Variants in ZFAND4 observed in about 807,000 individuals in gnomAD.
The protein encoded by ZFAND4 is zinc finger AN1-type containing 4, also known as AN1-type zinc finger protein 4.
Under a neutral mutation model 64.4 loss-of-function variants are expected in ZFAND4, and 43 were observed. The ratio of observed to expected loss-of-function variants is 0.67; its 90% CI spans 0.52 to 0.86. ZFAND4 has a LOEUF of 0.86. Ranked by LOEUF, ZFAND4 falls within the 40% of genes least tolerant of loss-of-function variation. The probability of loss-of-function intolerance (pLI) is 0.00; values close to 1 mark genes in which losing one functional copy is unlikely to be tolerated. For missense variants in ZFAND4, 929 were observed against 859.8 expected (o/e 1.08, Z -1.01); for synonymous variants, 296 against 305.7 (o/e 0.97, Z 0.33).
intron 6 of ZFAND4, among the ~76,000 whole-genome samples, chr10:45,636,264 C>T (rs1379954610): frequency 6.6e-6 from 1 of 152,108 alleles, no homozygotes; most frequent in Admixed American, 6.6e-5. Context: ...AAGCTTTCCA[C>T]ATATCTATTA....
At chr10:45,619,429 A>G (rs2045252542) in intron 8 of ZFAND4, among the ~76,000 whole-genome samples, 1 of 152,182 alleles carries the variant, frequency 6.6e-6, no homozygotes, top group South Asian at 2.1e-4. Context: ...AGAGAGGCTC[A>G]AAGTTCCTGC....
intron 8 of ZFAND4, among the ~76,000 whole-genome samples, chr10:45,622,055 A>T (rs570140683): frequency 3.3e-5 from 5 of 152,196 alleles, no homozygotes; most frequent in Non-Finnish European, 7.3e-5. Flanking sequence ...GTTGTGCGTT[A>T]GGGCAGGACA....
chr10:45,662,522 G>T, intron 2 of ZFAND4: 1 of 866,926 alleles, frequency 1.2e-6, no homozygotes, highest in Non-Finnish European at 1.4e-6. Flanking sequence ...TTTAAACTAT[G>T]ATATAAATTG....
intron 5 of ZFAND4, among the ~76,000 whole-genome samples, chr10:45,647,761 A>C (rs1162636601): frequency 6.6e-6 from 1 of 152,194 alleles, no homozygotes; most frequent in Non-Finnish European, 1.5e-5. Context: ...TGAATGCTTA[A>C]TAACTTGAAG....
At chr10:45,637,004 GAAAA>G (rs58965939) in intron 6 of ZFAND4, among the ~76,000 whole-genome samples, 2 of 120,372 alleles carry the variant, frequency 1.7e-5, no homozygotes, top group Admixed American at 8.2e-5. Context: ...TTCCCCATCA[GAAAA>G]AAAAAAAAAA....
rs1486980850 is a variant in ZFAND4 at position 45,635,225 on chromosome 10, C to CA, written c.717+4590dup. Among the ~76,000 whole-genome samples the CA allele has an allele frequency of 4.3e-3, 305 of 70,642 alleles. 7 individuals are homozygous for CA. The highest frequency in any genetic ancestry group is 8.3e-3 in the South Asian group (17 of 2,046). The allele number at this position is 70,642 out of a possible 152,430, so 46.3% of individuals were successfully genotyped here. A position where few individuals can be genotyped will look rare whatever the true frequency, so the allele number is the denominator to read the frequency against. On this transcript the variant is annotated intron_variant, in intron 6 of 9. Coordinates refer to ENST00000344646, the MANE Select transcript of ZFAND4 (RefSeq NM_174890.4). Reference sequence around the variant, plus strand: ...AAAAAAAAAAAAAACAAAAAAAAAACAAACAAAAAAAAACTGGAAGAATCA... The same window carrying CA: ...AAAAAAAAAAAAAACAAAAAAAAAACAAAACAAAAAAAAACTGGAAGAATCA...
chr10:45,657,014 CTTTTTTTT>C (rs199943085), intron 2 of ZFAND4, among the ~76,000 whole-genome samples: 5 of 137,246 alleles, frequency 3.6e-5, no homozygotes, highest in Non-Finnish European at 7.9e-5. Flanking sequence ...GCAACCTGAA[CTTTTTTTT>C]TTTTTTTTTT....
At chr10:45,625,257 G>A (rs2045718096) in intron 7 of ZFAND4, among the ~76,000 whole-genome samples, 1 of 150,804 alleles carries the variant, frequency 6.6e-6, no homozygotes, top group African/African-American at 2.4e-5. Flanking sequence ...TGGATCACGA[G>A]GTCAGGAGAT....
intron 6 of ZFAND4, among the ~76,000 whole-genome samples, chr10:45,633,254 A>G (rs564523134): frequency 6.6e-6 from 1 of 152,232 alleles, no homozygotes; most frequent in South Asian, 2.1e-4. Flanking sequence ...TATCTTATAA[A>G]TATCTAGCAA....
rs1417686373 is a variant in ZFAND4, at chr10:45,626,815, T to C, written c.1008A>G (p.Lys336=). The part of the protein sequence containing the change: ...NTLSHFSSNV[K]LPPQIPHLEL... ...CCAAATGGGGTATCTGAGGAGGTAG[T>C]TTGACGTTGCTACTGAAGTGAGACA... Residue 336 remains lysine (K), a synonymous_variant, in exon 7 of 10, where the codon AAA becomes AAG. Coordinates refer to ENST00000344646, the MANE Select transcript of ZFAND4 (RefSeq NM_174890.4). 3.1e-6 allele frequency: 5 copies of C among 1,614,076 alleles called. No homozygotes were observed. In the African/African-American group the frequency reaches 6.7e-5, roughly 22 times the overall value.
At chr10:45,634,114 G>A (rs1190398593) in intron 6 of ZFAND4, among the ~76,000 whole-genome samples, 1 of 152,194 alleles carries the variant, frequency 6.6e-6, no homozygotes, top group Non-Finnish European at 1.5e-5. Flanking sequence ...AAAGTACTTA[G>A]GGGAAGTGTC....
intron 1 of ZFAND4, among the ~76,000 whole-genome samples, chr10:45,671,684 G>T (rs1421746367): frequency 6.6e-6 from 1 of 152,124 alleles, no homozygotes; most frequent in Non-Finnish European, 1.5e-5. Context: ...GCCTGTCGTG[G>T]GGAGTGAGAT....
At chr10:45,619,078 G>A (rs1215884912) in intron 8 of ZFAND4, among the ~76,000 whole-genome samples, 1 of 150,120 alleles carries the variant, frequency 6.7e-6, no homozygotes, top group East Asian at 1.9e-4. Context: ...TTGCTCTGTC[G>A]CCCAGGCTGT....
intron 5 of ZFAND4, among the ~76,000 whole-genome samples, chr10:45,644,357 T>C: frequency 6.6e-6 from 1 of 152,222 alleles, no homozygotes. Flanking sequence ...ACAGCATAAA[T>C]AGACATTACC....
chr10:45,640,104 T>A, intron 5 of ZFAND4, 141 bp from the exon 6 acceptor site: 1 of 1,295,052 alleles, frequency 7.7e-7, no homozygotes, highest in Non-Finnish European at 1.0e-6. Context: ...GTCAGGAAAA[T>A]ATATTTCAAA....
chr10:45,622,459 G>A lies in ZFAND4; in HGVS notation c.1927+2124C>T, dbSNP rs182133976. On this transcript the variant is annotated intron_variant, in intron 8 of 9. Transcript: ENST00000344646. The stretch of plus-strand genomic sequence containing the variant: ...GTGATTTCTTGGATATGACACCAAA[G>A]GCACAGGTAACAAAAGGAGAAAATA... Among the ~76,000 whole-genome samples, 234 of 152,276 alleles carry A rather than the reference G, an allele frequency of 1.5e-3. 1 individual carries two copies. The highest frequency in any genetic ancestry group is 4.2e-3 in the African/African-American group (174 of 41,572).
At chr10:45,651,500 T>C in intron 4 of ZFAND4, 1 of 462,596 alleles carries the variant, frequency 2.2e-6, no homozygotes, top group Non-Finnish European at 4.5e-6. Flanking sequence ...TCAGAACTAC[T>C]TATATTCTGA....
chr10:45,660,928 TG>T (rs2048431850), intron 2 of ZFAND4, among the ~76,000 whole-genome samples: 1 of 152,142 alleles, frequency 6.6e-6, no homozygotes, highest in Non-Finnish European at 1.5e-5. Flanking sequence ...GAAAAAATGA[TG>T]TAGGTCAGAA....
intron 4 of ZFAND4, 131 bp from the exon 5 acceptor site, chr10:45,648,665 A>G (rs906588172): frequency 2.9e-6 from 3 of 1,043,848 alleles, no homozygotes; most frequent in Non-Finnish European, 3.9e-6. Context: ...ATATTCTTCA[A>G]ATAAGTTTCT....
Sources: gnomAD v4.1 joint callset for allele counts (sites outside exome capture counted in the v4.1 genomes callset) on GRCh38, gnomAD v4.1.1 for gene constraint, MANE v1.5 for transcripts, NCBI Gene and HGNC (gene_info 2026-07-23, HGNC 2026-07-21) for gene names.